COTL1: variants seen among roughly 807,000 people sequenced by gnomAD.
COTL1 encodes the protein coactosin-like protein.
In COTL1, 15 loss-of-function variants were observed where a neutral mutation model predicts 16.5. The observed-to-expected ratio is 0.91, with a 90% CI of 0.61 to 1.40. The LOEUF (loss-of-function observed/expected upper bound fraction) is 1.40. COTL1 is among the 40% of genes most tolerant of loss of function. COTL1 has a pLI of 0.00. For synonymous variants in COTL1, 112 were observed against 85.3 expected (o/e 1.31, Z -1.73); for missense variants, 220 against 201.5 (o/e 1.09, Z -0.56).
chr16:84,567,091 G>A, intron 3 of COTL1, 136 bp from the exon 4 acceptor site: 1 of 611,750 alleles, frequency 1.6e-6, no homozygotes, highest in Non-Finnish European at 3.0e-6. Flanking sequence ...CAGCAGCAGA[G>A]TCAGTCAATG....
At chr16:84,585,790 G>A (rs1002117642) in intron 3 of COTL1, among the ~76,000 whole-genome samples, 1 of 152,192 alleles carries the variant, frequency 6.6e-6, no homozygotes, top group African/African-American at 2.4e-5. Context: ...ATAAATGTAA[G>A]GTCTTGTAGC....
Position 84,590,225 on chromosome 16 carries a change from G to C in COTL1, c.198C>G (p.Thr66=), listed in dbSNP as rs763877938. The C allele has an allele frequency of 1.2e-6, 2 of 1,614,054 alleles. No individual in the cohort carries two copies. The highest frequency in any genetic ancestry group is 1.3e-5 in the African/African-American group (1 of 74,930). Reference sequence around the variant, plus strand: ...TGGACCTCTTGCTCATGGCATCCCCGGTGGTGAAGCGCACGAAGGCAAACA... The same window carrying C: ...TGGACCTCTTGCTCATGGCATCCCCCGTGGTGAAGCGCACGAAGGCAAACA... ...VRLFAFVRFT[T]GDAMSKRSKF... is the part of the protein sequence containing the mutation. The change falls in exon 3 of 4, where the codon ACC becomes ACG. Residue 66 remains threonine, a synonymous_variant. Coordinates refer to ENST00000262428, the MANE Select transcript of COTL1 (RefSeq NM_021149.5). The surrounding 1 kb of genome is among the most constrained non-coding windows in gnomAD (Gnocchi z 5.5).
rs1321436051 is a variant in COTL1 at position 84,590,349 on chromosome 16, G to T, written c.161-87C>A. ...TGGGGAGAGGCTGTGAGCCACGAGTGCGCCTGGAGCAGCACAGCAGGAGAC... is the reference window on the plus strand; with the variant it reads ...TGGGGAGAGGCTGTGAGCCACGAGTTCGCCTGGAGCAGCACAGCAGGAGAC... On this transcript the variant is annotated intron_variant, in intron 2 of 3. Coordinates refer to ENST00000262428, the MANE Select transcript of COTL1 (RefSeq NM_021149.5). The surrounding 1 kb of genome is among the most constrained non-coding windows in gnomAD (Gnocchi z 5.5). The T allele has an allele frequency of 6.7e-7, 1 of 1,502,164 alleles. No homozygotes were observed. The highest frequency in any genetic ancestry group is 9.1e-7 in the Non-Finnish European group (1 of 1,102,208). The allele number at this position is 1,502,164 out of a possible 1,614,324, so 93.1% of individuals were successfully genotyped here. A position where few individuals can be genotyped will look rare whatever the true frequency, so the allele number is the denominator to read the frequency against.
intron 3 of COTL1, among the ~76,000 whole-genome samples, chr16:84,581,057 G>A (rs990396763): frequency 2.0e-5 from 3 of 152,142 alleles, no homozygotes; most frequent in Non-Finnish European, 2.9e-5. Context: ...CAGGAGAATC[G>A]CCTGAACCCA....
At chr16:84,567,121 A>C in intron 3 of COTL1, 166 bp from the exon 4 acceptor site, 1 of 596,272 alleles carries the variant, frequency 1.7e-6, no homozygotes, top group East Asian at 3.0e-5. Context: ...CAGCAGAGTC[A>C]ATGGAAATTG....
chr16:84,571,958 A>G (rs1904344857), intron 3 of COTL1, among the ~76,000 whole-genome samples: 1 of 152,232 alleles, frequency 6.6e-6, no homozygotes, highest in Admixed American at 6.5e-5. Flanking sequence ...GAGGCTTACA[A>G]AGGTGAGCCA....
intron 3 of COTL1, among the ~76,000 whole-genome samples, chr16:84,573,992 AAATAAT>A (rs887119224): frequency 2.0e-5 from 3 of 151,690 alleles, no homozygotes; most frequent in African/African-American, 7.3e-5. Flanking sequence ...CTTTCTCTAC[AAATAAT>A]AATAATAATA....
At chr16:84,569,455 A>G (rs1904313263) in intron 3 of COTL1, among the ~76,000 whole-genome samples, 1 of 152,244 alleles carries the variant, frequency 6.6e-6, no homozygotes. Flanking sequence ...AAGCTTTACA[A>G]TAAAAAGACA....
intron 3 of COTL1, among the ~76,000 whole-genome samples, chr16:84,578,286 G>T (rs1904496817): frequency 6.6e-6 from 1 of 152,116 alleles, no homozygotes; most frequent in Non-Finnish European, 1.5e-5. Flanking sequence ...AGAAATAACA[G>T]AATTTTTAAA....
intron 2 of COTL1, among the ~76,000 whole-genome samples, chr16:84,593,877 T>C (rs1269298980): frequency 1.3e-5 from 2 of 152,148 alleles, no homozygotes; most frequent in African/African-American, 4.8e-5. Flanking sequence ...TACTATCTAA[T>C]TTCACCACTC....
chr16:84,594,168 G>T (rs374042809), intron 2 of COTL1, among the ~76,000 whole-genome samples: 1 of 152,344 alleles, frequency 6.6e-6, no homozygotes, highest in East Asian at 1.9e-4. Context: ...TTGCTTATCA[G>T]TGCATCAGTT....
chr16:84,578,167 A>G (rs1904494386), intron 3 of COTL1, among the ~76,000 whole-genome samples: 1 of 152,142 alleles, frequency 6.6e-6, no homozygotes, highest in African/African-American at 2.4e-5. Context: ...TGATCAGTTG[A>G]CAAGCTAGAG....
intron 2 of COTL1, among the ~76,000 whole-genome samples, chr16:84,599,005 G>A (rs1438148075): frequency 6.6e-6 from 1 of 152,052 alleles, no homozygotes; most frequent in Non-Finnish European, 1.5e-5. Flanking sequence ...AAAGCCACCA[G>A]GATGAGCCGC....
At chr16:84,593,492 A>AAT (rs1904920862) in intron 2 of COTL1, among the ~76,000 whole-genome samples, 1 of 1,486 alleles carries the variant, frequency 6.7e-4, no homozygotes, top group Non-Finnish European at 0.01. Context: ...AAAGTCACAT[A>AAT]ACAAAATTCA....
chr16:84,606,530 A>G (rs866237823), intron 2 of COTL1, among the ~76,000 whole-genome samples: 1 of 152,260 alleles, frequency 6.6e-6, no homozygotes, highest in African/African-American at 2.4e-5. Context: ...ATAACTGCAC[A>G]TGTGGCTATG....
intron 2 of COTL1, among the ~76,000 whole-genome samples, chr16:84,599,080 TC>T (rs1211721288): frequency 8.3e-4 from 51 of 61,082 alleles, no homozygotes; most frequent in African/African-American, 2.9e-3. Flanking sequence ...GGCTTGCCCC[TC>T]CCCCCCTTCC....
At chr16:84,587,286 C>T (rs779383745) in intron 3 of COTL1, among the ~76,000 whole-genome samples, 4 of 152,164 alleles carry the variant, frequency 2.6e-5, no homozygotes, top group Non-Finnish European at 5.9e-5. Context: ...AGCATTTCCT[C>T]GGTCCCAGGC....
intron 2 of COTL1, among the ~76,000 whole-genome samples, chr16:84,599,913 C>T (rs1905077025): frequency 6.6e-6 from 1 of 152,206 alleles, no homozygotes; most frequent in South Asian, 2.1e-4. Flanking sequence ...ATGGCAGCGG[C>T]TGGCTTCTAG....
At position 84,590,951 on chromosome 16, in the gene COTL1, A is replaced by G. The variant is rs80266902; in HGVS notation, c.161-689T>C. On this transcript the variant is annotated intron_variant, in intron 2 of 3. Coordinates refer to ENST00000262428, the MANE Select transcript of COTL1 (RefSeq NM_021149.5). This position sits in a 1 kb window ranked among gnomAD's most constrained non-coding sequence, Gnocchi z 5.5. Reference sequence around the variant, plus strand: ...TATGACTAGGGCAATTAGGTCAACAATGAATTCTGAACACATTTCCATTGG... The same window carrying G: ...TATGACTAGGGCAATTAGGTCAACAGTGAATTCTGAACACATTTCCATTGG... Among the ~76,000 whole-genome samples, 49 of 152,294 alleles carry G rather than the reference A, an allele frequency of 3.2e-4. No individual in the cohort carries two copies. The highest frequency in any genetic ancestry group is 9.9e-4 in the African/African-American group (41 of 41,564).
Sources: gnomAD v4.1 joint callset for allele counts (sites outside exome capture counted in the v4.1 genomes callset) on GRCh38, gnomAD v4.1.1 for gene constraint, Gnocchi (gnomAD v3.1) non-coding constraint, MANE v1.5 for transcripts, NCBI Gene and HGNC (gene_info 2026-07-23, HGNC 2026-07-21) for gene names.